Variants in GABRG1 observed in about 807,000 individuals in gnomAD.
GABRG1 encodes the protein gamma-aminobutyric acid receptor subunit gamma-1.
GABRG1 carries 49 observed loss-of-function variants against 49.8 expected under a neutral mutation model. The ratio of observed to expected loss-of-function variants is 0.98; its 90% CI spans 0.78 to 1.25. The LOEUF (loss-of-function observed/expected upper bound fraction) is 1.25, where lower values mean the gene tolerates loss of function less well. Ranked by LOEUF, GABRG1 falls within the 50% of genes most tolerant of loss-of-function variation. The pLI, the probability that GABRG1 is intolerant of heterozygous loss-of-function variation, is 0.00. For synonymous variants in GABRG1, 232 were observed against 185.1 expected (o/e 1.25, Z -2.06); for missense variants, 552 against 552.3 (o/e 1.00, Z 0.01).
intron 3 of GABRG1, among the ~76,000 whole-genome samples, chr4:46,081,430 C>T (rs1490347580): frequency 6.6e-6 from 1 of 151,790 alleles, no homozygotes; most frequent in African/African-American, 2.4e-5. Flanking sequence ...GCTATCACTA[C>T]AGTAATCAGT....
intron 5 of GABRG1, 35 bp from the exon 6 acceptor site, chr4:46,058,657 A>T: frequency 6.4e-7 from 1 of 1,551,500 alleles, no homozygotes; most frequent in Non-Finnish European, 8.8e-7. Flanking sequence ...AGCAAGATCC[A>T]AATTTGATAC....
At position 46,036,714 on chromosome 4, in the gene GABRG1, C is replaced by T. The variant is rs1470017136; in HGVS notation, c.*4274G>A. The T allele has an allele frequency of 6.6e-6, 1 of 151,942 alleles. No homozygotes were observed. Among genetic ancestry groups the T allele is most frequent in the Non-Finnish European group, 1.5e-5 (1 of 67,904 alleles). 9.4% of individuals were successfully genotyped at this position (151,942 alleles called of 1,614,324 possible). A position where few individuals can be genotyped will look rare whatever the true frequency, so the allele number is the denominator to read the frequency against. ...AGTACGGATTTCATCCTCATATTAG[C>T]CACTATAAGCTTATACGCCTAACTG... On this transcript the variant is annotated 3_prime_UTR_variant, in exon 9 of 9. Coordinates refer to ENST00000295452, the MANE Select transcript of GABRG1 (RefSeq NM_173536.4).
chr4:46,077,522 T>C (rs1367323126), intron 3 of GABRG1, among the ~76,000 whole-genome samples: 1 of 151,998 alleles, frequency 6.6e-6, no homozygotes, highest in Admixed American at 6.6e-5. Flanking sequence ...TATGTATTTC[T>C]TTTATAATAA....
chr4:46,056,151 T>TAAAAAAAAAAAAAAAAAAAA (rs1182116080), intron 7 of GABRG1, among the ~76,000 whole-genome samples: 1 of 9,144 alleles, frequency 1.1e-4, no homozygotes, highest in Non-Finnish European at 1.6e-4. Context: ...ATAAATAAAT[T>TAAAAAAAAAAAAAAAAAAAA]AAAAAAAAAA....
intron 8 of GABRG1, among the ~76,000 whole-genome samples, chr4:46,045,047 G>A (rs992549461): frequency 4.9e-4 from 74 of 152,158 alleles, no homozygotes; most frequent in African/African-American, 1.7e-3. Context: ...AGTTACATAC[G>A]AAACTTACCG....
intron 3 of GABRG1, among the ~76,000 whole-genome samples, chr4:46,083,150 G>A (rs1426861855): frequency 6.6e-6 from 1 of 151,306 alleles, no homozygotes; most frequent in Non-Finnish European, 1.5e-5. Context: ...TCAATACCTT[G>A]GAGTCAGGTT....
In GABRG1 at chr4:46,036,449, C is replaced by G. The variant is rs1717529652; in HGVS notation, c.*4539G>C. On this transcript the variant is annotated 3_prime_UTR_variant, in exon 9 of 9. Coordinates refer to ENST00000295452, the MANE Select transcript of GABRG1 (RefSeq NM_173536.4). Reference sequence around the variant, plus strand: ...CATTTCAGATTATTTTTTTCTTCATCTTTTATGTGTGAAAAAGATAAATCA... The same window carrying G: ...CATTTCAGATTATTTTTTTCTTCATGTTTTATGTGTGAAAAAGATAAATCA... 1 of 151,766 alleles carries G rather than the reference C, an allele frequency of 6.6e-6. No homozygotes were observed. The highest frequency in any genetic ancestry group is 1.5e-5 in the Non-Finnish European group (1 of 67,864). 9.4% of individuals were successfully genotyped at this position (151,766 alleles called of 1,614,324 possible).
chr4:46,118,041 T>C lies in GABRG1; in HGVS notation c.104+5769A>G, dbSNP rs1035492337. On this transcript the variant is annotated intron_variant, in intron 1 of 8. Transcript: ENST00000295452. ...GTGTATCTATATACATATATACATA[T>C]GTATACATGTGTGTATGTATACATA... is the stretch of plus-strand genomic sequence containing the variant. Among the ~76,000 whole-genome samples, 6 of 134,986 alleles carry C rather than the reference T, an allele frequency of 4.4e-5. No homozygotes were observed. In the Admixed American group the frequency reaches 4.5e-4, roughly 10 times the overall value. 88.6% of individuals were successfully genotyped at this position (134,986 alleles called of 152,430 possible).
intron 2 of GABRG1, among the ~76,000 whole-genome samples, chr4:46,086,037 T>C (rs1165924306): frequency 6.6e-6 from 1 of 151,614 alleles, no homozygotes; most frequent in Non-Finnish European, 1.5e-5. Context: ...TAACAATGCA[T>C]GAGAAAACCA....
rs1278404481 is a variant in GABRG1 at position 46,041,055 on chromosome 4, C to A, written c.1331G>T (p.Arg444Ile). Residue 444 changes from arginine (R) to isoleucine (I), a missense_variant, in exon 9 of 9, where the codon AGA becomes ATA. Coordinates refer to ENST00000295452, the MANE Select transcript of GABRG1 (RefSeq NM_173536.4). ...GGCAAAAGCGGTTGGGAAAAATATTCTAGAATAAGAGTCAATTTTGGCAAT... is the reference window on the plus strand; with the variant it reads ...GGCAAAAGCGGTTGGGAAAAATATTATAGAATAAGAGTCAATTTTGGCAAT... Reference protein sequence around the residue: ...IRIAKIDSYSRIFFPTAFALF... With the variant: ...IRIAKIDSYSIIFFPTAFALF... 6.2e-7 allele frequency: 1 copy of A among 1,612,956 alleles called. No individual in the cohort carries two copies.
chr4:46,083,960 T>C, intron 3 of GABRG1, 26 bp downstream of exon 3: 1 of 1,252,528 alleles, frequency 8.0e-7, no homozygotes, highest in Non-Finnish European at 1.1e-6. Flanking sequence ...CTGTGGCAGT[T>C]ATTATTTTTA....
intron 3 of GABRG1, among the ~76,000 whole-genome samples, chr4:46,081,138 C>T (rs11943173): frequency 0.098 from 14,856 of 151,700 alleles, 810 homozygotes; most frequent in Non-Finnish European, 0.12. Context: ...TCTTTCAGGT[C>T]CTTAAATACA....
chr4:46,044,192 G>T (rs1014245597), intron 8 of GABRG1, among the ~76,000 whole-genome samples: 1 of 152,076 alleles, frequency 6.6e-6, no homozygotes, highest in African/African-American at 2.4e-5. Context: ...ACAGGAGAAG[G>T]CTGGGCACGT....
rs1309226292 is a variant in GABRG1 at position 46,038,958 on chromosome 4, T to C, written c.*2030A>G. 6.6e-6 allele frequency: 1 copy of C among 151,738 alleles called. No homozygotes were observed. The highest frequency in any genetic ancestry group is 1.5e-5 in the Non-Finnish European group (1 of 67,710). The allele number at this position is 151,738 out of a possible 1,614,324, so 9.4% of individuals were successfully genotyped here. A position where few individuals can be genotyped will look rare whatever the true frequency, so the allele number is the denominator to read the frequency against. The stretch of plus-strand genomic sequence containing the variant: ...GTGGTTCAGAAGGAAAAGCTATTTA[T>C]ATCAAGCACTTTTAAGTATTTTAAA... On this transcript the variant is annotated 3_prime_UTR_variant, in exon 9 of 9. Coordinates refer to ENST00000295452, the MANE Select transcript of GABRG1 (RefSeq NM_173536.4).
Position 46,051,415 on chromosome 4 carries a change from T to C in GABRG1, c.1131+9A>G. 1 of 1,574,694 alleles carries C rather than the reference T, an allele frequency of 6.4e-7. No individual in the cohort carries two copies. Among genetic ancestry groups the C allele is most frequent in the Non-Finnish European group, 8.6e-7 (1 of 1,163,440 alleles). On this transcript the variant is annotated intron_variant, in intron 8 of 8. Coordinates refer to ENST00000295452, the MANE Select transcript of GABRG1 (RefSeq NM_173536.4). ...GTTTATAAAATAGAAATTTTTCTTT[T>C]TAACATACCGAGGCTTTATTTTTTA...
intron 2 of GABRG1, among the ~76,000 whole-genome samples, chr4:46,094,337 T>C (rs1720100410): frequency 6.6e-6 from 1 of 152,102 alleles, no homozygotes; most frequent in Admixed American, 6.6e-5. Flanking sequence ...CTTTCAAACA[T>C]TGTCTCATCT....
chr4:46,092,704 A>T (rs1324466318), intron 2 of GABRG1, among the ~76,000 whole-genome samples: 3 of 150,964 alleles, frequency 2.0e-5, no homozygotes, highest in East Asian at 1.9e-4. Flanking sequence ...CATATTTCCT[A>T]AAAAAAATTA....
rs1233489867 is a variant in GABRG1, at chr4:46,065,492, A to G, written c.414T>C (p.Asn138=). 6.2e-7 allele frequency: 1 copy of G among 1,609,102 alleles called. No homozygotes were observed. Among genetic ancestry groups the G allele is most frequent in the Non-Finnish European group, 8.5e-7 (1 of 1,175,938 alleles). The part of the protein sequence containing the change: ...STMKVLMLNS[N]MVGKIWIPDT... ...CAGGAATCCAAATTTTTCCAACCAT[A>G]TTACTGTTAAGCATAAGCACTTTCA... Residue 138 remains asparagine, a synonymous_variant, in exon 4 of 9, where the codon AAT becomes AAC. Coordinates refer to ENST00000295452, the MANE Select transcript of GABRG1 (RefSeq NM_173536.4).
intron 2 of GABRG1, among the ~76,000 whole-genome samples, chr4:46,090,039 A>G (rs1019104354): frequency 2.0e-5 from 3 of 152,204 alleles, no homozygotes; most frequent in African/African-American, 7.2e-5. Context: ...AAACCTTTCT[A>G]TGTTAATTCT....
Sources: allele counts gnomAD v4.1 joint callset (sites outside exome capture counted in the v4.1 genomes callset), GRCh38; gene constraint gnomAD v4.1.1; transcripts MANE v1.5; gene names NCBI Gene and HGNC (gene_info 2026-07-23, HGNC 2026-07-21).